HK1: variants seen among roughly 807,000 people sequenced by gnomAD.
The protein encoded by HK1 is hexokinase 1.
A neutral mutation model predicts 91.6 loss-of-function variants in HK1; 28 were observed. The ratio of observed to expected loss-of-function variants is 0.31; its 90% confidence interval spans 0.23 to 0.42. The LOEUF is 0.42. HK1 is among the 10% of genes least tolerant of loss of function. The pLI, the probability that HK1 is intolerant of heterozygous loss-of-function variation, is 1.00. For missense variants in HK1, 770 were observed against 1,219.8 expected, an observed-to-expected ratio of 0.63 and a Z score of 5.49; for synonymous variants, 430 against 468.1, an observed-to-expected ratio of 0.92 and a Z score of 1.05.
At chr10:69,302,187 C>T (rs371787370) in intron 5 of HK1, among the ~76,000 whole-genome samples, 4 of 150,774 alleles carry the variant, frequency 2.7e-5, no homozygotes, top group South Asian at 4.2e-4. Context: ...GCAGAGGTTG[C>T]GGTGAGCTGA....
At chr10:69,301,486 A>C (rs1845862404) in intron 5 of HK1, among the ~76,000 whole-genome samples, 1 of 146,718 alleles carries the variant, frequency 6.8e-6, no homozygotes, top group Non-Finnish European at 1.5e-5. Context: ...AGGCAGGAGA[A>C]TTGCTTGAAC....
intron 3 of HK1, among the ~76,000 whole-genome samples, chr10:69,289,142 G>C (rs1845164499): frequency 1.3e-5 from 2 of 152,108 alleles, no homozygotes; most frequent in Admixed American, 6.6e-5. Flanking sequence ...CTGGCAGAGG[G>C]GTGTGTTGGG....
intron 8 of HK1, 48 bp from the exon 9 acceptor site, chr10:69,379,814 T>G: frequency 1.5e-6 from 2 of 1,338,064 alleles, no homozygotes; most frequent in Non-Finnish European, 2.2e-6. Context: ...TGCTTTGCAC[T>G]GCCTCATGTG....
intron 1 of HK1, chr10:69,338,254 C>T (rs1848099898): frequency 8.7e-7 from 1 of 1,143,850 alleles, no homozygotes; most frequent in Admixed American, 3.8e-5. Flanking sequence ...AGGAAGGGCT[C>T]TTCACTCTGG....
upstream of HK1, among the ~76,000 whole-genome samples, chr10:69,314,572 T>C (rs77577720): frequency 2.0e-3 from 303 of 152,348 alleles, 2 homozygotes; most frequent in Non-Finnish European, 3.7e-3. Flanking sequence ...ACAAACTCTA[T>C]AGGGCTGGGC....
At chr10:69,280,278 A>AT (rs973432515) in intron 1 of HK1, among the ~76,000 whole-genome samples, 1 of 151,884 alleles carries the variant, frequency 6.6e-6, no homozygotes, top group African/African-American at 2.4e-5. Flanking sequence ...TGCCCAGCTA[A>AT]TTTTTTTGTT....
chr10:69,359,737 AG>A (rs1440914210), intron 2 of HK1, among the ~76,000 whole-genome samples, 159 bp from the exon 3 acceptor site: 3 of 152,166 alleles, frequency 2.0e-5, no homozygotes, highest in Admixed American at 1.3e-4. Flanking sequence ...CGTATATGGC[AG>A]TGGTTGGATG....
intron 4 of HK1, among the ~76,000 whole-genome samples, chr10:69,366,881 T>C (rs184397620): frequency 6.6e-6 from 1 of 152,352 alleles, no homozygotes; most frequent in African/African-American, 2.4e-5. Context: ...CACCGTTGTT[T>C]ACATGTGCTC....
chr10:69,377,121 G>T, intron 8 of HK1, 32 bp downstream of exon 8: 1 of 1,613,816 alleles, frequency 6.2e-7, no homozygotes, highest in Non-Finnish European at 8.5e-7. Flanking sequence ...CTTTCTTGGG[G>T]TGTTGGGGCA....
intron 17 of HK1, among the ~76,000 whole-genome samples, chr10:69,400,761 C>T (rs1008847268): frequency 6.6e-6 from 1 of 152,222 alleles, no homozygotes; most frequent in African/African-American, 2.4e-5. Flanking sequence ...CTCAACTGGC[C>T]ACAGCTGCTT....
intron 1 of HK1, among the ~76,000 whole-genome samples, chr10:69,275,519 T>C (rs909708123): frequency 6.6e-6 from 1 of 152,222 alleles, no homozygotes; most frequent in Non-Finnish European, 1.5e-5. Context: ...TAATTACTTC[T>C]GTAAAGGGCC....
Position 69,334,957 on chromosome 10 carries a change from G to T in HK1, c.64-8870G>T, listed in dbSNP as rs567098578. Among the ~76,000 whole-genome samples the T allele has an allele frequency of 2.0e-5, 3 of 152,260 alleles. No individual in the cohort carries two copies. In the South Asian group the frequency reaches 6.2e-4, roughly 32 times the overall value. On this transcript the variant is annotated intron_variant, in intron 1 of 17. Transcript: ENST00000359426. ...GGAGGTGAGCTTTGGGAGGAAGAAG[G>T]AGCTGGGGACGGAGAGGCCCAGGAG...
chr10:69,343,587 G>T (rs1848397342), intron 1 of HK1, among the ~76,000 whole-genome samples: 1 of 152,188 alleles, frequency 6.6e-6, no homozygotes, highest in Admixed American at 6.5e-5. Flanking sequence ...CATATTTGAG[G>T]GTTGGAAAGG....
Position 69,369,201 on chromosome 10 carries a change from G to T in HK1, c.592-36G>T, listed in dbSNP as rs766685533. On this transcript the variant is annotated intron_variant, in intron 5 of 17. Coordinates refer to ENST00000359426, the MANE Select transcript of HK1 (RefSeq NM_000188.3). The surrounding 1 kb of genome is among the most constrained non-coding windows in gnomAD (Gnocchi z 4.4). Reference sequence around the variant, plus strand: ...AGGTGTGTGATCTCTGCTCCCATGTGTGAGTGGACAATGACACCCCGTTAT... The same window carrying T: ...AGGTGTGTGATCTCTGCTCCCATGTTTGAGTGGACAATGACACCCCGTTAT... 1 of 1,482,074 alleles carries T rather than the reference G, an allele frequency of 6.7e-7. No individual in the cohort carries two copies. Among genetic ancestry groups the T allele is most frequent in the South Asian group, 1.1e-5 (1 of 88,290 alleles). 91.8% of individuals were successfully genotyped at this position (1,482,074 alleles called of 1,614,324 possible). A position where few individuals can be genotyped will look rare whatever the true frequency, so the allele number is the denominator to read the frequency against.
At chr10:69,309,424 G>A (rs558837152) in intron 5 of HK1, among the ~76,000 whole-genome samples, 10 of 132,996 alleles carry the variant, frequency 7.5e-5, no homozygotes, top group African/African-American at 2.0e-4. Context: ...CTTGTGATCC[G>A]CCTGCCTCGG....
At chr10:69,382,881 T>G in intron 10 of HK1, 90 bp downstream of exon 10, 1 of 1,250,610 alleles carries the variant, frequency 8.0e-7, no homozygotes, top group Non-Finnish European at 1.1e-6. Flanking sequence ...AGTGGATGCC[T>G]TCACACTGGT....
intron 1 of HK1, among the ~76,000 whole-genome samples, chr10:69,336,578 G>T (rs1455374441): frequency 1.3e-5 from 2 of 149,854 alleles, no homozygotes; most frequent in African/African-American, 4.9e-5. Flanking sequence ...TTTTTTTCAG[G>T]CATATTGCCT....
chr10:69,388,547 C>T (rs1451441041), intron 13 of HK1, among the ~76,000 whole-genome samples: 1 of 152,144 alleles, frequency 6.6e-6, no homozygotes, highest in East Asian at 1.9e-4. Flanking sequence ...AACACACACA[C>T]ACACACTCAC....
intron 2 of HK1, among the ~76,000 whole-genome samples, chr10:69,351,752 G>C (rs1026910617): frequency 1.3e-5 from 2 of 152,122 alleles, no homozygotes; most frequent in African/African-American, 4.8e-5. Flanking sequence ...GTGCGTTTGG[G>C]CAAGTTATCT....
Sources: allele counts gnomAD v4.1 joint callset (sites outside exome capture counted in the v4.1 genomes callset), GRCh38; gene constraint gnomAD v4.1.1; non-coding constraint Gnocchi (gnomAD v3.1); transcripts MANE v1.5; gene names NCBI Gene and HGNC (gene_info 2026-07-23, HGNC 2026-07-21).